CDH2: variants seen among roughly 807,000 people sequenced by gnomAD.
CDH2 encodes the protein cadherin 2.
In CDH2, 17 loss-of-function variants were observed where a neutral mutation model predicts 92.0. The observed-to-expected ratio is 0.18, with a 90% CI of 0.13 to 0.28. The LOEUF is 0.28. Among genes scored for constraint, CDH2 ranks in the 10% least tolerant of loss-of-function variants. The pLI, the probability that CDH2 is intolerant of heterozygous loss-of-function variation, is 1.00. For synonymous variants in CDH2, 419 were observed against 415.9 expected (o/e 1.01, Z -0.09); for missense variants, 862 against 1,133.1 (o/e 0.76, Z 3.44).
chr18:27,947,122 T>C (rs529277596), downstream of CDH2, among the ~76,000 whole-genome samples: 1 of 151,880 alleles, frequency 6.6e-6, no homozygotes, highest in South Asian at 2.1e-4. Context: ...CTGTCATTAA[T>C]TGCCGTTATG....
intron 1 of CDH2, among the ~76,000 whole-genome samples, chr18:28,161,710 A>G (rs761729161): frequency 1.5e-4 from 23 of 152,162 alleles, no homozygotes; most frequent in Middle Eastern, 3.4e-3. Flanking sequence ...ATAAGCACAC[A>G]CTTGATGACT....
At chr18:28,103,476 T>C (rs758567275) in intron 2 of CDH2, among the ~76,000 whole-genome samples, 7,684 of 71,328 alleles carry the variant, frequency 0.11, 328 homozygotes, top group Non-Finnish European at 0.15. Context: ...AGTATGTATA[T>C]ATATACACAC....
At chr18:27,986,439 T>C (rs1482355583) in intron 11 of CDH2, among the ~76,000 whole-genome samples, 2 of 152,036 alleles carry the variant, frequency 1.3e-5, no homozygotes, top group Non-Finnish European at 2.9e-5. Context: ...AGTGGTGGAG[T>C]TGCTACTAAA....
intron 2 of CDH2, among the ~76,000 whole-genome samples, chr18:28,069,045 G>T (rs1367427889): frequency 6.6e-6 from 1 of 152,022 alleles, no homozygotes; most frequent in Admixed American, 6.6e-5. Flanking sequence ...AACATAACAA[G>T]GAATGAAAGG....
intron 2 of CDH2, among the ~76,000 whole-genome samples, chr18:28,081,772 T>C (rs1173145990): frequency 6.6e-6 from 1 of 152,186 alleles, no homozygotes; most frequent in Admixed American, 6.5e-5. Context: ...AAGTTGACAA[T>C]GGTTTAACGG....
At chr18:27,996,110 G>T (rs2143987659) in intron 7 of CDH2, among the ~76,000 whole-genome samples, 1 of 152,110 alleles carries the variant, frequency 6.6e-6, no homozygotes, top group South Asian at 2.1e-4. Context: ...TCATCTGCTT[G>T]CTGTCAATCC....
intron 1 of CDH2, among the ~76,000 whole-genome samples, chr18:28,154,577 G>C (rs1048361105): frequency 6.6e-6 from 1 of 152,176 alleles, no homozygotes; most frequent in South Asian, 2.1e-4. Context: ...GCACTCGCAG[G>C]GACATTGTTT....
rs571747425 is a variant in CDH2 at position 28,079,613 on chromosome 18, G to A, written c.173-65704C>T. On this transcript the variant is annotated intron_variant, in intron 2 of 15. Transcript: ENST00000269141. ...AAGGCAAAACAAAAATTGATGTTAC[G>A]GTTAATGGTTTAAGGGGTAAAGATT... Among the ~76,000 whole-genome samples the A allele has an allele frequency of 2.6e-5, 4 of 152,198 alleles. No homozygotes were observed. In the East Asian group the frequency reaches 5.8e-4, roughly 22 times the overall value.
At chr18:28,037,774 G>A (rs1051551108) in intron 2 of CDH2, among the ~76,000 whole-genome samples, 1 of 152,132 alleles carries the variant, frequency 6.6e-6, no homozygotes, top group Admixed American at 6.6e-5. Context: ...TGGGACAAAC[G>A]ACTCAACTTA....
chr18:27,967,324 T>C (rs2143901176), intron 14 of CDH2, among the ~76,000 whole-genome samples: 1 of 152,352 alleles, frequency 6.6e-6, no homozygotes, highest in Non-Finnish European at 1.5e-5. Context: ...ACTGAGAGTC[T>C]AATTTTAGAC....
downstream of CDH2, among the ~76,000 whole-genome samples, chr18:27,950,730 T>C (rs969863796): frequency 1.3e-5 from 2 of 152,146 alleles, no homozygotes; most frequent in Admixed American, 6.6e-5. Flanking sequence ...ATGTGATTTT[T>C]CTATCACCAC....
At chr18:28,091,163 A>G (rs1357750003) in intron 2 of CDH2, among the ~76,000 whole-genome samples, 3 of 152,338 alleles carry the variant, frequency 2.0e-5, no homozygotes, top group South Asian at 4.1e-4. Flanking sequence ...TGTAATAACT[A>G]TATGATTGCA....
In CDH2 at chr18:28,177,110, A is replaced by C; in HGVS notation, c.-88T>G. 4.1e-6 allele frequency: 4 copies of C among 973,624 alleles called. No homozygotes were observed. The highest frequency in any genetic ancestry group is 5.9e-6 in the Non-Finnish European group (4 of 677,526). The allele number at this position is 973,624 out of a possible 1,614,324, so 60.3% of individuals were successfully genotyped here. A position where few individuals can be genotyped will look rare whatever the true frequency, so the allele number is the denominator to read the frequency against. On this transcript the variant is annotated 5_prime_UTR_variant, in exon 1 of 16. Transcript: ENST00000269141. ...GGAGGAGGAGGCAGCGGCAGCACCA[A>C]CAGCGGCGCGGAGAAACGGCTCCAG... is the stretch of plus-strand genomic sequence containing the variant.
At chr18:28,155,856 ACT>A (rs1272498744) in intron 1 of CDH2, among the ~76,000 whole-genome samples, 1 of 152,204 alleles carries the variant, frequency 6.6e-6, no homozygotes, top group Non-Finnish European at 1.5e-5. Flanking sequence ...TGTTAAGAAG[ACT>A]ATTCAAGAGC....
intron 2 of CDH2, among the ~76,000 whole-genome samples, chr18:28,039,501 GGCTCAGGGA>G (rs1407231983): frequency 6.6e-6 from 1 of 152,098 alleles, no homozygotes; most frequent in East Asian, 1.9e-4. Flanking sequence ...AATTAATTAT[GGCTCAGGGA>G]GATTAAGCAA....
chr18:28,115,786 T>C (rs1023323607), intron 2 of CDH2, among the ~76,000 whole-genome samples: 1 of 152,158 alleles, frequency 6.6e-6, no homozygotes, highest in Non-Finnish European at 1.5e-5. Context: ...ACGTGGAATA[T>C]CCGCACTCTA....
intron 2 of CDH2, among the ~76,000 whole-genome samples, chr18:28,058,465 A>AT (rs1179459888): frequency 2.6e-5 from 4 of 152,218 alleles, no homozygotes; most frequent in Non-Finnish European, 4.4e-5. Flanking sequence ...ACGCAACTGT[A>AT]TACCTATTGA....
chr18:28,010,270 A>G (rs2013057488), intron 4 of CDH2, among the ~76,000 whole-genome samples: 1 of 152,172 alleles, frequency 6.6e-6, no homozygotes, highest in African/African-American at 2.4e-5. Context: ...AACAACAAGA[A>G]TTAATTGTCT....
At chr18:27,962,873 A>T (rs2011444358) in intron 15 of CDH2, among the ~76,000 whole-genome samples, 1 of 151,902 alleles carries the variant, frequency 6.6e-6, no homozygotes, top group South Asian at 2.1e-4. Flanking sequence ...AATCACTTAC[A>T]TAATATTTAA....
Sources: gnomAD v4.1 joint callset for allele counts (sites outside exome capture counted in the v4.1 genomes callset) on GRCh38, gnomAD v4.1.1 for gene constraint, MANE v1.5 for transcripts, NCBI Gene and HGNC (gene_info 2026-07-23, HGNC 2026-07-21) for gene names.